CHD7: variants seen among roughly 807,000 people sequenced by gnomAD.
CHD7 encodes chromodomain helicase DNA binding protein 7, also known as ATP-dependent chromatin remodeler CHD7.
Under a neutral mutation model 307.3 loss-of-function variants are expected in CHD7, and 24 were observed. The ratio of observed to expected loss-of-function variants is 0.08; its 90% CI spans 0.06 to 0.11. CHD7 has a LOEUF of 0.11. CHD7 is among the 10% of genes least tolerant of loss of function. The probability of loss-of-function intolerance (pLI) is 1.00; values close to 1 mark genes in which losing one functional copy is unlikely to be tolerated. For missense variants in CHD7, 3,106 were observed against 3,727.1 expected (o/e 0.83, Z 4.34); for synonymous variants, 1,363 against 1,349.9 (o/e 1.01, Z -0.21).
At chr8:60,683,556 C>G (rs944624714) in intron 1 of CHD7, among the ~76,000 whole-genome samples, 3 of 152,140 alleles carry the variant, frequency 2.0e-5, no homozygotes, top group African/African-American at 7.2e-5. Flanking sequence ...TTCATTTTAT[C>G]CTTATTAGAG....
chr8:60,739,811 C>A (rs1808900260), intron 1 of CHD7, among the ~76,000 whole-genome samples: 1 of 152,132 alleles, frequency 6.6e-6, no homozygotes, highest in South Asian at 2.1e-4. Flanking sequence ...GTTGGTTAGC[C>A]CATTGTTCAT....
At chr8:60,838,449 G>T (rs1306990127) in intron 19 of CHD7, among the ~76,000 whole-genome samples, 194 bp downstream of exon 19, 1 of 152,122 alleles carries the variant, frequency 6.6e-6, no homozygotes, top group African/African-American at 2.4e-5. Flanking sequence ...ACTGGTATTT[G>T]CCCTCACCTT....
At chr8:60,760,551 C>T (rs569048699) in intron 2 of CHD7, among the ~76,000 whole-genome samples, 1 of 143,650 alleles carries the variant, frequency 7.0e-6, no homozygotes, top group South Asian at 2.3e-4. Context: ...TCAGAGTGAA[C>T]AGGCAACCTA....
intron 16 of CHD7, 54 bp from the exon 17 acceptor site, chr8:60,836,763 C>T: frequency 1.6e-6 from 2 of 1,275,562 alleles, no homozygotes; most frequent in Admixed American, 2.1e-5. Context: ...AAAAAAGGAG[C>T]AAGTATGTTG....
intron 13 of CHD7, among the ~76,000 whole-genome samples, chr8:60,826,868 A>ACAT (rs1443107800): frequency 6.6e-6 from 1 of 152,188 alleles, no homozygotes; most frequent in Non-Finnish European, 1.5e-5. Flanking sequence ...AATTAAATGG[A>ACAT]CATCACTTCA....
intron 13 of CHD7, chr8:60,825,495 G>T (rs1177116412): frequency 6.6e-6 from 1 of 152,192 alleles, no homozygotes; most frequent in Non-Finnish European, 1.5e-5. Context: ...AGGGACCTTG[G>T]TAAGCATATG....
intron 1 of CHD7, among the ~76,000 whole-genome samples, chr8:60,701,519 C>T (rs1378357385): frequency 2.6e-5 from 4 of 152,142 alleles, no homozygotes; most frequent in Non-Finnish European, 4.4e-5. Context: ...TTAATTGTGG[C>T]CTCTCCACTT....
At chr8:60,706,028 G>C (rs1049553065) in intron 1 of CHD7, among the ~76,000 whole-genome samples, 1 of 151,732 alleles carries the variant, frequency 6.6e-6, no homozygotes, top group Non-Finnish European at 1.5e-5. Flanking sequence ...GGACCTCAAA[G>C]GAAAGTCAAG....
intron 25 of CHD7, among the ~76,000 whole-genome samples, chr8:60,850,050 T>C (rs536328906): frequency 2.0e-5 from 3 of 152,224 alleles, no homozygotes; most frequent in Non-Finnish European, 2.9e-5. Flanking sequence ...TGGCCTTATG[T>C]ATATGGGGAT....
chr8:60,809,797 C>T (rs2150727227), intron 7 of CHD7, among the ~76,000 whole-genome samples: 1 of 151,224 alleles, frequency 6.6e-6, no homozygotes, highest in East Asian at 1.9e-4. Flanking sequence ...TACAATTTCA[C>T]ATTTATAGAA....
intron 2 of CHD7, among the ~76,000 whole-genome samples, chr8:60,758,509 A>G (rs1810005351): frequency 6.6e-6 from 1 of 152,238 alleles, no homozygotes; most frequent in Non-Finnish European, 1.5e-5. Flanking sequence ...TGTTGAGCTC[A>G]TGGGTGTTTT....
intron 6 of CHD7, among the ~76,000 whole-genome samples, chr8:60,806,206 CA>C (rs1392079813): frequency 6.6e-6 from 1 of 151,734 alleles, no homozygotes; most frequent in South Asian, 2.1e-4. Flanking sequence ...ACTAAAAATA[CA>C]AAAAAAATTA....
chr8:60,695,987 C>A lies in CHD7; in HGVS notation c.-175+16905C>A, dbSNP rs901789989. Reference sequence around the variant, plus strand: ...TCAGTCATCTATCCCAAGGAAAAATCTAAAATCCAGTCAACTGTTATAAGC... The same window carrying A: ...TCAGTCATCTATCCCAAGGAAAAATATAAAATCCAGTCAACTGTTATAAGC... On this transcript the variant is annotated intron_variant, in intron 1 of 37. Transcript: ENST00000423902. 3.9e-5 allele frequency among the ~76,000 whole-genome samples: 6 copies of A among 152,128 alleles called. 1 individual carries two copies. Among genetic ancestry groups the A allele is most frequent in the Admixed American group, 2.0e-4 (3 of 15,274 alleles).
intron 1 of CHD7, among the ~76,000 whole-genome samples, chr8:60,726,078 T>G (rs1414098766): frequency 1.3e-5 from 2 of 152,224 alleles, no homozygotes; most frequent in Non-Finnish European, 2.9e-5. Context: ...CTGGTAAATA[T>G]CCCATAAAAT....
intron 3 of CHD7, among the ~76,000 whole-genome samples, chr8:60,785,865 T>G (rs542794231): frequency 1.4e-4 from 21 of 152,252 alleles, no homozygotes; most frequent in African/African-American, 3.6e-4. Flanking sequence ...TTATTCTTTA[T>G]TTTACTCACA....
chr8:60,769,871 A>T (rs952177820), intron 2 of CHD7, among the ~76,000 whole-genome samples: 6 of 152,216 alleles, frequency 3.9e-5, no homozygotes, highest in African/African-American at 1.4e-4. Flanking sequence ...TTTGGTGTAT[A>T]CTTGTAGACA....
intron 1 of CHD7, among the ~76,000 whole-genome samples, chr8:60,691,905 G>C (rs1806212567): frequency 6.6e-6 from 1 of 152,084 alleles, no homozygotes; most frequent in Non-Finnish European, 1.5e-5. Context: ...TTGGGAGTTA[G>C]AATTAGACAG....
In CHD7 at chr8:60,753,681, G is replaced by A. The variant is rs1257552837; in HGVS notation, c.1665+10584G>A. ...TGTCGCCCAGGAGATGGAGTTTGCA[G>A]TGGTGCGATCTTGGCTCACTGCAGA... On this transcript the variant is annotated intron_variant, in intron 2 of 37. Coordinates refer to ENST00000423902, the MANE Select transcript of CHD7 (RefSeq NM_017780.4). 2.0e-5 allele frequency among the ~76,000 whole-genome samples: 3 copies of A among 151,512 alleles called. No individual in the cohort carries two copies. In the East Asian group the frequency reaches 5.9e-4, roughly 30 times the overall value.
At chr8:60,780,967 A>G in intron 2 of CHD7, 33 bp from the exon 3 acceptor site, 1 of 1,488,346 alleles carries the variant, frequency 6.7e-7, no homozygotes, top group Non-Finnish European at 8.9e-7. Context: ...GAAGAATGAT[A>G]AACTAATTTC....
Sources: allele counts gnomAD v4.1 joint callset (sites outside exome capture counted in the v4.1 genomes callset), GRCh38; gene constraint gnomAD v4.1.1; transcripts MANE v1.5; gene names NCBI Gene and HGNC (gene_info 2026-07-23, HGNC 2026-07-21).